Variants in PCDHGA12 observed in about 807,000 individuals in gnomAD.
PCDHGA12 encodes protocadherin gamma-A12.
PCDHGA12 carries 43 observed loss-of-function variants against 61.1 expected under a neutral mutation model. The ratio of observed to expected loss-of-function variants is 0.70; its 90% confidence interval spans 0.55 to 0.91. The LOEUF is 0.91. PCDHGA12 is among the 40% of genes least tolerant of loss of function. The pLI is 0.00. For synonymous variants in PCDHGA12, 520 were observed against 542.9 expected (o/e 0.96, Z 0.59); for missense variants, 1,236 against 1,227.7 (o/e 1.01, Z -0.10).
At chr5:141,500,729 C>T (rs1434863449) in intron 2 of PCDHGA12, among the ~76,000 whole-genome samples, 2 of 152,130 alleles carry the variant, frequency 1.3e-5, no homozygotes, top group Non-Finnish European at 2.9e-5. Flanking sequence ...CCATGTCTTT[C>T]AAAATTCTTC....
intron 1 of PCDHGA12, among the ~76,000 whole-genome samples, chr5:141,482,800 G>C (rs10052648): frequency 0.023 from 2,992 of 130,874 alleles, 96 homozygotes; most frequent in African/African-American, 0.087. Context: ...GGCCGGGTAC[G>C]GTGGCTCATG....
intron 1 of PCDHGA12, chr5:141,478,679 C>T (rs1247027395): frequency 3.2e-6 from 5 of 1,551,382 alleles, no homozygotes; most frequent in East Asian, 2.4e-5. Flanking sequence ...TCAACTGGCC[C>T]TTCCTAGATC....
chr5:141,467,376 A>G (rs1391386659), intron 1 of PCDHGA12, among the ~76,000 whole-genome samples: 2 of 151,990 alleles, frequency 1.3e-5, no homozygotes. Flanking sequence ...CTTATATTGC[A>G]TTTAGGTTTT....
At chr5:141,509,032 A>G (rs2099873869) in intron 3 of PCDHGA12, among the ~76,000 whole-genome samples, 1 of 151,488 alleles carries the variant, frequency 6.6e-6, no homozygotes, top group African/African-American at 2.4e-5. Flanking sequence ...CTCCCACTCA[A>G]CCCCTCTCCC....
intron 1 of PCDHGA12, among the ~76,000 whole-genome samples, chr5:141,461,782 TAG>T (rs2099022757): frequency 6.6e-6 from 1 of 152,086 alleles, no homozygotes; most frequent in South Asian, 2.1e-4. Context: ...GCCTCCCAAG[TAG>T]CTGGGATTAC....
At chr5:141,498,980 GGAAGGAA>G in intron 2 of PCDHGA12, among the ~76,000 whole-genome samples, 1 of 44,970 alleles carries the variant, frequency 2.2e-5, no homozygotes, top group South Asian at 1.0e-3. Context: ...AGGGAAGGAA[GGAAGGAA>G]GGAAGGAAGG....
At chr5:141,467,704 C>T (rs2099149502) in intron 1 of PCDHGA12, among the ~76,000 whole-genome samples, 2 of 152,174 alleles carry the variant, frequency 1.3e-5, no homozygotes. Flanking sequence ...CTCTGTTGCC[C>T]AGGCTGGAGT....
At position 141,491,894 on chromosome 5, in the gene PCDHGA12, C is replaced by T. The variant is rs1209251388; in HGVS notation, c.2425-2913C>T. The T allele has an allele frequency of 1.5e-5, 22 of 1,434,752 alleles. No individual in the cohort carries two copies. Among genetic ancestry groups the T allele is most frequent in the Admixed American group, 2.9e-5 (1 of 34,278 alleles). 88.9% of individuals were successfully genotyped at this position (1,434,752 alleles called of 1,614,324 possible). The stretch of plus-strand genomic sequence containing the variant: ...GCCGATTAAGGGATGGGGCTCCGAG[C>T]ACCGGGGGTGGTGGCGACTGTGGGC... On this transcript the variant is annotated intron_variant, in intron 1 of 3. Transcript: ENST00000252085. The surrounding 1 kb of genome is among the most constrained non-coding windows in gnomAD (Gnocchi z 6.9).
intron 1 of PCDHGA12, among the ~76,000 whole-genome samples, chr5:141,456,876 T>C (rs188356008): frequency 1.5e-3 from 222 of 152,196 alleles, no homozygotes; most frequent in African/African-American, 5.2e-3. Flanking sequence ...GGCAGGAGAA[T>C]CGCTTGAACC....
At chr5:141,451,050 G>A (rs915545429) in intron 1 of PCDHGA12, among the ~76,000 whole-genome samples, 6 of 151,352 alleles carry the variant, frequency 4.0e-5, no homozygotes, top group South Asian at 4.2e-4. Flanking sequence ...GGCTGGTCTC[G>A]AACTCCTGAC....
At chr5:141,504,483 AGGCACC>A (rs2099838618) in intron 2 of PCDHGA12, among the ~76,000 whole-genome samples, 1 of 151,954 alleles carries the variant, frequency 6.6e-6, no homozygotes, top group Non-Finnish European at 1.5e-5. Flanking sequence ...AGTACAGTGG[AGGCACC>A]TGCCCAGTCT....
chr5:141,500,234 A>T (rs2099798212), intron 2 of PCDHGA12, among the ~76,000 whole-genome samples: 1 of 148,996 alleles, frequency 6.7e-6, no homozygotes, highest in Non-Finnish European at 1.5e-5. Context: ...ATTGATACGT[A>T]GCCTTGCTCT....
chr5:141,476,714 C>T lies in PCDHGA12; in HGVS notation c.2425-18093C>T, dbSNP rs146188020. On this transcript the variant is annotated intron_variant, in intron 1 of 3. Transcript: ENST00000252085. The surrounding 1 kb of genome is among the most constrained non-coding windows in gnomAD (Gnocchi z 7.6). ...CAAGTACGCGGAGCTGGTGTTGGAG[C>T]GCGCCCTGGACCGAGAACGGGAGCC... The T allele has an allele frequency of 6.2e-7, 1 of 1,614,154 alleles. No individual in the cohort carries two copies. The highest frequency in any genetic ancestry group is 8.5e-7 in the Non-Finnish European group (1 of 1,180,032).
Position 141,487,820 on chromosome 5 carries a change from G to A in PCDHGA12, c.2425-6987G>A, listed in dbSNP as rs1024593393. 8 of 1,293,652 alleles carry A rather than the reference G, an allele frequency of 6.2e-6. No individual in the cohort carries two copies. The highest frequency in any genetic ancestry group is 3.7e-4 in the Middle Eastern group (2 of 5,382). 80.1% of individuals were successfully genotyped at this position (1,293,652 alleles called of 1,614,324 possible). A position where few individuals can be genotyped will look rare whatever the true frequency, so the allele number is the denominator to read the frequency against. On this transcript the variant is annotated intron_variant, in intron 1 of 3. Transcript: ENST00000252085. This position sits in a 1 kb window ranked among gnomAD's most constrained non-coding sequence, Gnocchi z 5.0. ...GTTGTCACAGTTTAGCATTGGGGGC[G>A]GGTCATGCCTATATCTGAGTAAGAA...
intron 1 of PCDHGA12, chr5:141,440,723 T>C (rs2098196558): frequency 6.6e-6 from 1 of 152,178 alleles, no homozygotes; most frequent in Non-Finnish European, 1.5e-5. Flanking sequence ...GTTGATCCTG[T>C]GTTAGAGAAG....
At chr5:141,504,696 G>T (rs2099840373) in intron 2 of PCDHGA12, among the ~76,000 whole-genome samples, 1 of 151,438 alleles carries the variant, frequency 6.6e-6, no homozygotes, top group African/African-American at 2.4e-5. Flanking sequence ...GGAGGGGCAG[G>T]TTCTTCTATG....
chr5:141,487,670 T>A lies in PCDHGA12; in HGVS notation c.2425-7137T>A. The A allele has an allele frequency of 6.2e-7, 1 of 1,612,302 alleles. No homozygotes were observed. Among genetic ancestry groups the A allele is most frequent in the Non-Finnish European group, 8.5e-7 (1 of 1,179,082 alleles). ...TGAGGGTTATTCTGATCCAGGCATA[T>A]GGCTAGGCCATGTCCTAGAGAGTAC... On this transcript the variant is annotated intron_variant, in intron 1 of 3. Transcript: ENST00000252085. This position sits in a 1 kb window ranked among gnomAD's most constrained non-coding sequence, Gnocchi z 5.0.
chr5:141,497,544 T>C (rs1410779650), intron 2 of PCDHGA12, among the ~76,000 whole-genome samples: 4 of 150,796 alleles, frequency 2.7e-5, no homozygotes, highest in African/African-American at 9.8e-5. Flanking sequence ...ACAAACCTTT[T>C]TTTTTTTTTT....
At chr5:141,444,380 A>G (rs1475986922) in intron 1 of PCDHGA12, among the ~76,000 whole-genome samples, 1 of 151,876 alleles carries the variant, frequency 6.6e-6, no homozygotes, top group Non-Finnish European at 1.5e-5. Context: ...CATGTTGGTC[A>G]GGCTAGTCTT....
Sources: allele counts gnomAD v4.1 joint callset (sites outside exome capture counted in the v4.1 genomes callset), GRCh38; gene constraint gnomAD v4.1.1; non-coding constraint Gnocchi (gnomAD v3.1); transcripts MANE v1.5; gene names NCBI Gene and HGNC (gene_info 2026-07-23, HGNC 2026-07-21).